The following TCF7L2 variants were observed in gnomAD, a reference collection of about 807,000 sequenced individuals.
TCF7L2 encodes the protein transcription factor 7-like 2.
TCF7L2 carries 23 observed loss-of-function variants against 77.9 expected under a neutral mutation model. The ratio of observed to expected loss-of-function variants is 0.30; its 90% CI spans 0.21 to 0.42. The LOEUF (loss-of-function observed/expected upper bound fraction) is 0.42. Among genes scored for constraint, TCF7L2 ranks in the 10% least tolerant of loss-of-function variants. TCF7L2 has a pLI of 1.00. For missense variants in TCF7L2, 654 were observed against 793.1 expected (o/e 0.82, Z 2.11); for synonymous variants, 413 against 340.2 (o/e 1.21, Z -2.36).
chr10:113,055,783 G>T (rs1426171608), intron 5 of TCF7L2, among the ~76,000 whole-genome samples: 1 of 152,156 alleles, frequency 6.6e-6, no homozygotes, highest in East Asian at 1.9e-4. Context: ...AAATTTTAAT[G>T]CCCTCAAATT....
intron 4 of TCF7L2, among the ~76,000 whole-genome samples, chr10:113,024,131 C>G (rs779754965): frequency 6.6e-6 from 1 of 151,900 alleles, no homozygotes; most frequent in Non-Finnish European, 1.5e-5. Context: ...AACCCCATCT[C>G]TACTAAAAAT....
At chr10:113,088,743 G>A (rs2060083394) in intron 5 of TCF7L2, among the ~76,000 whole-genome samples, 1 of 152,020 alleles carries the variant, frequency 6.6e-6, no homozygotes, top group Non-Finnish European at 1.5e-5. Flanking sequence ...GATTGCCTGA[G>A]CCCAGGAGTT....
rs1316930384 is a variant in TCF7L2 at position 113,151,182 on chromosome 10, C to A, written c.1001+59C>A. On this transcript the variant is annotated intron_variant, in intron 9 of 13. Coordinates refer to ENST00000627217, the MANE Select transcript of TCF7L2 (RefSeq NM_001146274.2). The surrounding 1 kb of genome is among the most constrained non-coding windows in gnomAD (Gnocchi z 5.2). ...GCCGCAGTGTTCTGCAAGCCTGTTG[C>A]AGCTGCTGGGTGGTGGCTTTCTGCC... 1 of 1,609,090 alleles carries A rather than the reference C, an allele frequency of 6.2e-7. No individual in the cohort carries two copies. The highest frequency in any genetic ancestry group is 1.7e-5 in the Admixed American group (1 of 59,872).
chr10:112,969,513 G>C (rs1325316072), intron 4 of TCF7L2, among the ~76,000 whole-genome samples: 3 of 152,240 alleles, frequency 2.0e-5, no homozygotes, highest in Non-Finnish European at 4.4e-5. Flanking sequence ...AGTAGACTTG[G>C]AGGGGCATGG....
Position 112,951,058 on chromosome 10 carries a change from GC to G in TCF7L2, c.189+114del. The G allele has an allele frequency of 2.9e-6, 4 of 1,402,050 alleles. No homozygotes were observed. In the South Asian group the frequency reaches 5.2e-5, roughly 18 times the overall value. 86.9% of individuals were successfully genotyped at this position (1,402,050 alleles called of 1,614,324 possible). Reference sequence around the variant, plus strand: ...GGGCGGCGGCGGGGCCCGGCGGGCGGCGTGTGCGTACGGTGCCACCATTGCA... The same window carrying G: ...GGGCGGCGGCGGGGCCCGGCGGGCGGGTGTGCGTACGGTGCCACCATTGCA... On this transcript the variant is annotated intron_variant, in intron 1 of 13. Coordinates refer to ENST00000627217, the MANE Select transcript of TCF7L2 (RefSeq NM_001146274.2).
Position 113,084,915 on chromosome 10 carries a change from A to C in TCF7L2, c.552+44789A>C, listed in dbSNP as rs1015227593. 4.0e-5 allele frequency among the ~76,000 whole-genome samples: 6 copies of C among 151,710 alleles called. No individual in the cohort carries two copies. In the South Asian group the frequency reaches 8.3e-4, roughly 21 times the overall value. On this transcript the variant is annotated intron_variant, in intron 5 of 13. Coordinates refer to ENST00000627217, the MANE Select transcript of TCF7L2 (RefSeq NM_001146274.2). ...TGTCTCAAGCCACCCCCCCCCAAAA[A>C]AAAAAAACAAAAAACCCTGACACAT...
chr10:112,951,347 CGCGCCCGGCTCG>C (rs2031145397), intron 2 of TCF7L2, 74 bp downstream of exon 2: 1 of 985,116 alleles, frequency 1.0e-6, no homozygotes, highest in Non-Finnish European at 1.2e-6. Context: ...GCCCCGGCCC[CGCGCCCGGCTCG>C]GCCTGGCCCT....
chr10:113,091,074 G>C (rs1033764946), intron 5 of TCF7L2, among the ~76,000 whole-genome samples: 2 of 152,062 alleles, frequency 1.3e-5, no homozygotes, highest in Non-Finnish European at 2.9e-5. Context: ...GCTAATTTTT[G>C]TATTTTTAAT....
chr10:113,036,147 A>G (rs2134179844), intron 4 of TCF7L2, among the ~76,000 whole-genome samples: 1 of 151,170 alleles, frequency 6.6e-6, no homozygotes, highest in Non-Finnish European at 1.5e-5. Flanking sequence ...CATCATCATC[A>G]TCATCATCAT....
chr10:112,965,629 A>ATATGTG (rs1409332567), intron 4 of TCF7L2, among the ~76,000 whole-genome samples: 23 of 137,214 alleles, frequency 1.7e-4, no homozygotes, highest in African/African-American at 6.2e-4. Context: ...GTGTGTGTAT[A>ATATGTG]TGTGTGTGTG....
intron 3 of TCF7L2, among the ~76,000 whole-genome samples, chr10:112,963,688 C>G (rs1299673376): frequency 6.6e-6 from 1 of 152,166 alleles, no homozygotes; most frequent in Non-Finnish European, 1.5e-5. Flanking sequence ...CCAAGATTAG[C>G]AAGTATTACT....
intron 4 of TCF7L2, among the ~76,000 whole-genome samples, chr10:112,975,044 C>G (rs1440176388): frequency 5.9e-5 from 9 of 151,282 alleles, no homozygotes; most frequent in Non-Finnish European, 1.2e-4. Context: ...ACAGAAATGG[C>G]ATTACCTGTT....
chr10:112,973,758 T>C (rs1274596364), intron 4 of TCF7L2, among the ~76,000 whole-genome samples: 5 of 152,012 alleles, frequency 3.3e-5, no homozygotes, highest in Non-Finnish European at 5.9e-5. Context: ...CCCTGGCTAA[T>C]TTTTGTATTT....
chr10:113,036,098 TATC>T (rs1183058281), intron 4 of TCF7L2, among the ~76,000 whole-genome samples: 5 of 140,988 alleles, frequency 3.5e-5, no homozygotes, highest in Non-Finnish European at 4.6e-5. Context: ...TTTGTCGCCA[TATC>T]ATCATCATCA....
chr10:113,023,372 C>T (rs1451351378), intron 4 of TCF7L2, among the ~76,000 whole-genome samples: 1 of 152,194 alleles, frequency 6.6e-6, no homozygotes, highest in African/African-American at 2.4e-5. Flanking sequence ...ATTTGGGAAA[C>T]TTTAGGCGGC....
At chr10:113,111,447 G>A (rs2063117922) in intron 5 of TCF7L2, among the ~76,000 whole-genome samples, 1 of 152,168 alleles carries the variant, frequency 6.6e-6, no homozygotes, top group Admixed American at 6.5e-5. Context: ...AGAGTCTACT[G>A]TGTTTATGGA....
chr10:113,119,255 T>C (rs544343332), intron 5 of TCF7L2, among the ~76,000 whole-genome samples: 1 of 152,302 alleles, frequency 6.6e-6, no homozygotes, highest in East Asian at 1.9e-4. Flanking sequence ...AATCTCATTT[T>C]TCCCCCCTTA....
At position 113,125,443 on chromosome 10, in the gene TCF7L2, C is replaced by T. The variant is rs564209588; in HGVS notation, c.553-15741C>T. On this transcript the variant is annotated intron_variant, in intron 5 of 13. Transcript: ENST00000627217. ...ATTAAAAGCGTATTAATCTGGTTCC[C>T]AGTCTCTTGGGAGACACCTTAAGAT... 5.8e-4 allele frequency: 88 copies of T among 151,960 alleles called. 1 individual carries two copies. The highest frequency in any genetic ancestry group is 2.0e-3 in the African/African-American group (82 of 41,450). 9.4% of individuals were successfully genotyped at this position (151,960 alleles called of 1,614,324 possible).
intron 3 of TCF7L2, among the ~76,000 whole-genome samples, chr10:112,961,951 T>C (rs1028012259): frequency 1.3e-5 from 2 of 152,150 alleles, no homozygotes; most frequent in Admixed American, 6.5e-5. Context: ...TTGTCCTATA[T>C]GTTGGTTTCT....
Sources: allele counts gnomAD v4.1 joint callset (sites outside exome capture counted in the v4.1 genomes callset), GRCh38; gene constraint gnomAD v4.1.1; non-coding constraint Gnocchi (gnomAD v3.1); transcripts MANE v1.5; gene names NCBI Gene and HGNC (gene_info 2026-07-23, HGNC 2026-07-21).